Variants in ACOXL observed in about 807,000 individuals in gnomAD.
ACOXL encodes the protein acyl-CoA oxidase like.
A neutral mutation model predicts 71.9 loss-of-function variants in ACOXL; 70 were observed. The ratio of observed to expected loss-of-function variants is 0.97; its 90% CI spans 0.80 to 1.19. The LOEUF (loss-of-function observed/expected upper bound fraction) is 1.19. ACOXL is among the 50% of genes most tolerant of loss of function. ACOXL has a pLI of 0.00. For missense variants in ACOXL, 703 were observed against 736.3 expected, an observed-to-expected ratio of 0.95 and a Z score of 0.52; for synonymous variants, 253 against 281.6, an observed-to-expected ratio of 0.90 and a Z score of 1.02.
At chr2:110,952,083 A>G (rs922318986) in intron 12 of ACOXL, among the ~76,000 whole-genome samples, 1 of 152,230 alleles carries the variant, frequency 6.6e-6, no homozygotes, top group Non-Finnish European at 1.5e-5. Flanking sequence ...TATTTGGTAC[A>G]AATATAATGA....
At chr2:111,110,952 AT>A (rs2069904070) in intron 17 of ACOXL, among the ~76,000 whole-genome samples, 1 of 152,010 alleles carries the variant, frequency 6.6e-6, no homozygotes, top group Admixed American at 6.6e-5. Context: ...TTGGACTCTT[AT>A]TGTATTTTTA....
At chr2:110,933,251 TC>T (rs1306133393) in intron 11 of ACOXL, among the ~76,000 whole-genome samples, 10 of 152,222 alleles carry the variant, frequency 6.6e-5, no homozygotes, top group African/African-American at 2.4e-4. Flanking sequence ...TGTTCTTTGT[TC>T]CCTTTTCCCT....
At chr2:111,046,544 T>C (rs1223268232) in intron 15 of ACOXL, among the ~76,000 whole-genome samples, 2 of 152,170 alleles carry the variant, frequency 1.3e-5, no homozygotes, top group Admixed American at 1.3e-4. Flanking sequence ...CACGTCCTTC[T>C]TCACATGGTG....
At chr2:111,042,802 T>C (rs1434877720) in intron 15 of ACOXL, among the ~76,000 whole-genome samples, 2 of 152,064 alleles carry the variant, frequency 1.3e-5, no homozygotes, top group Non-Finnish European at 2.9e-5. Context: ...CTTCGGGGGA[T>C]GCGGTGCTTT....
chr2:111,069,404 A>C (rs1464817453), intron 16 of ACOXL, among the ~76,000 whole-genome samples: 2 of 152,064 alleles, frequency 1.3e-5, no homozygotes, highest in African/African-American at 4.8e-5. Context: ...TTCCTGCCTC[A>C]GCCTTCCAAA....
At chr2:111,053,363 C>G (rs1246519537) in intron 16 of ACOXL, among the ~76,000 whole-genome samples, 2 of 149,628 alleles carry the variant, frequency 1.3e-5, no homozygotes, top group Non-Finnish European at 2.9e-5. Flanking sequence ...ACTTATCATC[C>G]AAACATGGAT....
chr2:110,840,033 A>T (rs1208848057), intron 9 of ACOXL, among the ~76,000 whole-genome samples: 1 of 130,964 alleles, frequency 7.6e-6, no homozygotes, highest in Non-Finnish European at 1.7e-5. Flanking sequence ...TCTGTCACCC[A>T]GGCTGGAGTG....
chr2:110,737,904 G>A (rs1677064393), intron 1 of ACOXL, among the ~76,000 whole-genome samples: 5 of 152,218 alleles, frequency 3.3e-5, no homozygotes, highest in Admixed American at 2.6e-4. Flanking sequence ...GAGGACCACA[G>A]ATTCATTAAG....
chr2:110,786,953 A>G (rs1684034693), intron 3 of ACOXL, among the ~76,000 whole-genome samples: 2 of 152,110 alleles, frequency 1.3e-5, no homozygotes, highest in Admixed American at 6.5e-5. Context: ...TTTTAGGGCT[A>G]TGTTTTTAAA....
chr2:111,039,591 G>A (rs1442489497), intron 15 of ACOXL, among the ~76,000 whole-genome samples: 1 of 152,190 alleles, frequency 6.6e-6, no homozygotes, highest in African/African-American at 2.4e-5. Context: ...GCTTATCAAA[G>A]CAGATATTGA....
intron 13 of ACOXL, among the ~76,000 whole-genome samples, chr2:110,993,298 A>C (rs1478213727): frequency 6.6e-6 from 1 of 152,194 alleles, no homozygotes; most frequent in African/African-American, 2.4e-5. Context: ...TTCTTGGACA[A>C]TCTCACTACG....
chr2:110,986,173 A>G (rs917193288), intron 12 of ACOXL, among the ~76,000 whole-genome samples: 1 of 152,252 alleles, frequency 6.6e-6, no homozygotes, highest in Admixed American at 6.5e-5. Flanking sequence ...AGAATTCTAC[A>G]TAACAGTGCA....
At chr2:111,023,757 T>G (rs2064886553) in intron 14 of ACOXL, among the ~76,000 whole-genome samples, 1 of 152,006 alleles carries the variant, frequency 6.6e-6, no homozygotes, top group African/African-American at 2.4e-5. Context: ...AAATTGAAGC[T>G]GTCACAGCTG....
At chr2:110,857,717 G>A (rs1318091739) in intron 10 of ACOXL, among the ~76,000 whole-genome samples, 3 of 151,902 alleles carry the variant, frequency 2.0e-5, no homozygotes, top group Admixed American at 1.3e-4. Flanking sequence ...CATAGTTTTT[G>A]TTGATTAATT....
chr2:110,781,642 AAAATAAAT>A (rs557818537), intron 2 of ACOXL, among the ~76,000 whole-genome samples: 4 of 151,728 alleles, frequency 2.6e-5, no homozygotes, highest in African/African-American at 9.7e-5. Flanking sequence ...CTCCATCTCA[AAAATAAAT>A]AAATAAATAA....
At position 110,840,638 on chromosome 2, in the gene ACOXL, A is replaced by G. The variant is rs117924952; in HGVS notation, c.754-733A>G. Among the ~76,000 whole-genome samples the G allele has an allele frequency of 1.3e-3, 205 of 152,294 alleles. 3 individuals carry two copies. The East Asian group carries it at 0.031, about 23-fold the overall frequency. ...CTGTGAACTAGCCAGGGCCCCTGTC[A>G]TATGATTTGACCCCCACTTATGCCT... On this transcript the variant is annotated intron_variant, in intron 9 of 17. Transcript: ENST00000439055.
chr2:110,870,775 A>C (rs1234041024), intron 10 of ACOXL, among the ~76,000 whole-genome samples: 1 of 152,190 alleles, frequency 6.6e-6, no homozygotes, highest in Non-Finnish European at 1.5e-5. Flanking sequence ...ATTTCTGATC[A>C]AAATCAGTTT....
At chr2:110,890,199 G>C (rs1697780333) in intron 10 of ACOXL, among the ~76,000 whole-genome samples, 1 of 152,074 alleles carries the variant, frequency 6.6e-6, no homozygotes, top group Admixed American at 6.6e-5. Context: ...ATATATTCCA[G>C]ATATCATTCC....
chr2:111,057,756 G>A (rs2066617690), intron 16 of ACOXL, among the ~76,000 whole-genome samples: 1 of 152,242 alleles, frequency 6.6e-6, no homozygotes, highest in Admixed American at 6.5e-5. Context: ...CTCTACATGT[G>A]CCCGACTGCC....
Sources: allele counts gnomAD v4.1 joint callset (sites outside exome capture counted in the v4.1 genomes callset), GRCh38; gene constraint gnomAD v4.1.1; transcripts MANE v1.5; gene names NCBI Gene and HGNC (gene_info 2026-07-23, HGNC 2026-07-21).